Variants in HSPG2 observed in about 807,000 individuals in gnomAD.
HSPG2 encodes heparan sulfate proteoglycan 2.
Under a neutral mutation model 526.6 loss-of-function variants are expected in HSPG2, and 278 were observed. The observed-to-expected ratio is 0.53, with a 90% CI of 0.48 to 0.58. HSPG2 has a LOEUF of 0.58. HSPG2 is among the 20% of genes least tolerant of loss of function. The pLI, the probability that HSPG2 is intolerant of heterozygous loss-of-function variation, is 0.00. For synonymous variants in HSPG2, 2,465 were observed against 2,555.4 expected (o/e 0.96, Z 1.07); for missense variants, 5,354 against 6,099.5 (o/e 0.88, Z 4.07).
At chr1:21,921,742 A>G (rs1218280638) in intron 1 of HSPG2, among the ~76,000 whole-genome samples, 1 of 152,114 alleles carries the variant, frequency 6.6e-6, no homozygotes, top group Non-Finnish European at 1.5e-5. Flanking sequence ...TCCTGGGGCC[A>G]CTTCTGTTAA....
chr1:21,864,193 C>A lies in HSPG2; in HGVS notation c.4647G>T (p.Thr1549=). 6.4e-7 allele frequency: 1 copy of A among 1,552,798 alleles called. No homozygotes were observed. Among genetic ancestry groups the A allele is most frequent in the South Asian group, 1.2e-5 (1 of 84,114 alleles). Residue 1549 remains threonine (T), a synonymous_variant, in exon 37 of 97, where the codon ACG becomes ACT. Transcript: ENST00000374695. This position sits in a 1 kb window ranked among gnomAD's most constrained non-coding sequence, Gnocchi z 4.8. Reference sequence around the variant, plus strand: ...CGAGGTAGAGCCCACTCCCGGTGCGCGTGTAGCCGGGGGCACAGTCCTAGG... The same window carrying A: ...CGAGGTAGAGCCCACTCCCGGTGCGAGTGTAGCCGGGGGCACAGTCCTAGG... The part of the protein sequence containing the change: ...LSCQDCAPGY[T]RTGSGLYLGH...
In HSPG2 at chr1:21,885,108, C is replaced by G. The variant is rs569746707; in HGVS notation, c.1260G>C (p.Arg420=). 306 of 1,613,142 alleles carry G rather than the reference C, an allele frequency of 1.9e-4. 1 individual carries two copies. Among genetic ancestry groups the G allele is most frequent in the South Asian group, 7.3e-4 (66 of 91,018 alleles). The change falls in exon 11 of 97, where the codon CGG becomes CGC. Residue 420 remains arginine (R), a synonymous_variant. Coordinates refer to ENST00000374695, the MANE Select transcript of HSPG2 (RefSeq NM_005529.7). ...CGCAGGTGAAGGTCACTGTCTGGCC[C>G]CGGGAAGCCTGGATGGACTCCCGGG... ...TPPRESIQAS[R]GQTVTFTCVA...
intron 46 of HSPG2, 28 bp downstream of exon 46, chr1:21,855,495 G>GA: frequency 6.2e-7 from 1 of 1,611,562 alleles, no homozygotes; most frequent in South Asian, 1.1e-5. Context: ...GCACACTCCC[G>GA]GCCCCCACCC....
In HSPG2 at chr1:21,824,438, A is replaced by AG. The variant is rs1392050687; in HGVS notation, c.12745-63dup. On this transcript the variant is annotated intron_variant, in intron 93 of 96. Coordinates refer to ENST00000374695, the MANE Select transcript of HSPG2 (RefSeq NM_005529.7). This position sits in a 1 kb window ranked among gnomAD's most constrained non-coding sequence, Gnocchi z 5.9. The stretch of plus-strand genomic sequence containing the variant: ...CTGGAGAGCAGAGGCTGCCGAGGCC[A>AG]GGGGGCTCTGCTTTCCCCTCCCCCC... 4 of 1,600,552 alleles carry AG rather than the reference A, an allele frequency of 2.5e-6. No individual in the cohort carries two copies. The highest frequency in any genetic ancestry group is 2.6e-6 in the Non-Finnish European group (3 of 1,169,452).
chr1:21,843,509 C>T, intron 65 of HSPG2, 71 bp from the exon 66 acceptor site: 2 of 1,506,904 alleles, frequency 1.3e-6, no homozygotes, highest in Admixed American at 3.8e-5. Context: ...CTGGTACCCA[C>T]ACCCTGGGAC....
At chr1:21,823,848 C>T in intron 95 of HSPG2, 129 bp from the exon 96 acceptor site, 1 of 799,504 alleles carries the variant, frequency 1.3e-6, no homozygotes. Flanking sequence ...CAAGCTCTTT[C>T]TTTCCCCCGC....
At chr1:21,917,479 AAAT>A (rs1418742444) in intron 1 of HSPG2, among the ~76,000 whole-genome samples, 7 of 146,438 alleles carry the variant, frequency 4.8e-5, no homozygotes, top group South Asian at 2.1e-4. Context: ...ATAAATAAAT[AAAT>A]AAAAATAAAA....
Position 21,880,714 on chromosome 1 carries a change from C to T in HSPG2, c.1940G>A (p.Arg647Gln), listed in dbSNP as rs1360341927. 5.0e-6 allele frequency: 8 copies of T among 1,600,150 alleles called. No individual in the cohort carries two copies. Among genetic ancestry groups the T allele is most frequent in the East Asian group, 2.3e-5 (1 of 44,262 alleles). The change falls in exon 15 of 97, where the codon CGA becomes CAA. Residue 647 changes from arginine to glutamine, a missense_variant. Physicochemically the swap from Arg to Gln is conservative, Grantham distance 43 (BLOSUM62 1). Transcript: ENST00000374695. Reference protein sequence around the residue: ...LMGAGYRLLSRGHTPTQPGAL... With the variant: ...LMGAGYRLLSQGHTPTQPGAL... ...ACCAGGTTGGGTGGGTGTGTGGCCT[C>T]GGGAGAGGAGGCGGTACCCGGCACC...
rs756658507 is a variant in HSPG2, at chr1:21,828,448, G to A, written c.12238-22C>T. On this transcript the variant is annotated intron_variant, in intron 88 of 96. Transcript: ENST00000374695. The surrounding 1 kb of genome is among the most constrained non-coding windows in gnomAD (Gnocchi z 6.0). The stretch of plus-strand genomic sequence containing the variant: ...ACACCTGTGGGGACAGGGACACCGA[G>A]GGACTAAAGGGGCCTGGGAGGCAGA... The A allele has an allele frequency of 2.5e-6, 4 of 1,611,020 alleles. No individual in the cohort carries two copies. The South Asian group carries it at 3.3e-5, about 13-fold the overall frequency.
Position 21,937,212 on chromosome 1 carries a change from C to T in HSPG2, c.6G>A (p.Gly2=). The T allele has an allele frequency of 9.5e-7, 1 of 1,052,864 alleles. No individual in the cohort carries two copies. The highest frequency in any genetic ancestry group is 1.2e-6 in the Non-Finnish European group (1 of 866,972). The allele number at this position is 1,052,864 out of a possible 1,614,324, so 65.2% of individuals were successfully genotyped here. The part of the protein sequence containing the change: M[G]WRAAGALLLA... ...GCAGCAGCGCGCCCGCCGCCCGCCA[C>T]CCCATGGCCCGGCCCGCGCCGCTCT... Residue 2 remains glycine, a synonymous_variant, in exon 1 of 97, where the codon GGG becomes GGA. Coordinates refer to ENST00000374695, the MANE Select transcript of HSPG2 (RefSeq NM_005529.7).
At position 21,838,868 on chromosome 1, in the gene HSPG2, G is replaced by A. The variant is rs2098037542; in HGVS notation, c.10107C>T (p.Asn3369=). 2.5e-6 allele frequency: 4 copies of A among 1,612,690 alleles called. No individual in the cohort carries two copies. Among genetic ancestry groups the A allele is most frequent in the Middle Eastern group, 3.3e-4 (2 of 6,050 alleles). Residue 3369 remains asparagine (N), a synonymous_variant, in exon 74 of 97, where the codon AAC becomes AAT. Transcript: ENST00000374695. ...CAAAGGCCTCGGCTGAGCCCACCTT[G>A]TTGGTGACCCGGCAGCGGTAGCGGC... The part of the protein sequence containing the change: ...DSGRYRCRVT[N]KVGSAEAFAQ...
At chr1:21,909,976 G>A (rs1472629407) in intron 1 of HSPG2, among the ~76,000 whole-genome samples, 1 of 152,120 alleles carries the variant, frequency 6.6e-6, no homozygotes, top group East Asian at 1.9e-4. Context: ...CGCAGAACTT[G>A]AGCTGCTGCT....
chr1:21,925,576 T>TG (rs1644166655), intron 1 of HSPG2, among the ~76,000 whole-genome samples: 1 of 152,180 alleles, frequency 6.6e-6, no homozygotes, highest in Admixed American at 6.5e-5. Flanking sequence ...TCCATCTCTC[T>TG]GGGGAACATT....
At chr1:21,903,832 G>T (rs1394118284) in intron 1 of HSPG2, among the ~76,000 whole-genome samples, 2 of 152,128 alleles carry the variant, frequency 1.3e-5, no homozygotes, top group Non-Finnish European at 2.9e-5. Context: ...ACCCAACCCG[G>T]TCTGGCACTG....
intron 6 of HSPG2, among the ~76,000 whole-genome samples, chr1:21,888,986 C>A (rs1642154717): frequency 6.6e-6 from 1 of 152,148 alleles, no homozygotes; most frequent in Non-Finnish European, 1.5e-5. Context: ...AGTGCAGTGG[C>A]ATGATCCTAG....
At position 21,885,154 on chromosome 1, in the gene HSPG2, G is replaced by A. The variant is rs773362657; in HGVS notation, c.1214C>T (p.Pro405Leu). The change falls in exon 11 of 97, where the codon CCC becomes CTC. Residue 405 changes from proline (P) to leucine (L), a missense_variant. Transcript: ENST00000374695. ...PDRSDEFGCMPPQVVTPPRES... is the reference protein window; with the variant it reads ...PDRSDEFGCMLPQVVTPPRES... Reference sequence around the variant, plus strand: ...CCGGGGAGGTGTCACCACCTGGGGGGGCACTGAGGAGACCAGGGCAGGAGT... The same window carrying A: ...CCGGGGAGGTGTCACCACCTGGGGGAGCACTGAGGAGACCAGGGCAGGAGT... The A allele has an allele frequency of 1.2e-6, 2 of 1,607,920 alleles. No homozygotes were observed. Among genetic ancestry groups the A allele is most frequent in the Admixed American group, 1.7e-5 (1 of 59,394 alleles).
In HSPG2 at chr1:21,848,718, G is replaced by C; in HGVS notation, c.7662C>G (p.Asn2554Lys). The part of the protein sequence containing the change: ...SLANGHTLDL[N>K]CLVASQAPHT... ...GGGGAGCCTGGCTGGCAACCAGGCA[G>C]TTGAGGTCCAGGGTGTGTCCATTGG... Residue 2554 changes from asparagine to lysine, a missense_variant, in exon 59 of 97, where the codon AAC becomes AAG. By Grantham distance (94) the Asn-to-Lys change is moderately conservative (BLOSUM62 0). Transcript: ENST00000374695. The surrounding 1 kb of genome is among the most constrained non-coding windows in gnomAD (Gnocchi z 4.9). 6.2e-7 allele frequency: 1 copy of C among 1,614,006 alleles called. No homozygotes were observed. Among genetic ancestry groups the C allele is most frequent in the Non-Finnish European group, 8.5e-7 (1 of 1,179,984 alleles).
chr1:21,910,174 AC>A (rs1346859019), intron 1 of HSPG2, among the ~76,000 whole-genome samples: 3 of 152,184 alleles, frequency 2.0e-5, no homozygotes, highest in Non-Finnish European at 2.9e-5. Flanking sequence ...CCAGCTGCAG[AC>A]CAACACAATG....
chr1:21,848,539 T>C lies in HSPG2; in HGVS notation c.7737+104A>G, dbSNP rs762626542. 9.8e-5 allele frequency: 132 copies of C among 1,348,996 alleles called. No homozygotes were observed. In the Admixed American group the frequency reaches 1.4e-3, roughly 15 times the overall value. The allele number at this position is 1,348,996 out of a possible 1,614,324, so 83.6% of individuals were successfully genotyped here. ...ATCCAGCAAGGATACTCAATGTTTG[T>C]TGAATGACTGAATGAGCACAGAGTG... On this transcript the variant is annotated intron_variant, in intron 59 of 96. Coordinates refer to ENST00000374695, the MANE Select transcript of HSPG2 (RefSeq NM_005529.7). This position sits in a 1 kb window ranked among gnomAD's most constrained non-coding sequence, Gnocchi z 4.9.
Sources: gnomAD v4.1 joint callset for allele counts (sites outside exome capture counted in the v4.1 genomes callset) on GRCh38, gnomAD v4.1.1 for gene constraint, Gnocchi (gnomAD v3.1) non-coding constraint, MANE v1.5 for transcripts, NCBI Gene and HGNC (gene_info 2026-07-23, HGNC 2026-07-21) for gene names.